The following NEK11 variants were observed in gnomAD, a reference collection of about 807,000 sequenced individuals.
The protein encoded by NEK11 is NIMA related kinase 11, also known as serine/threonine-protein kinase Nek11.
NEK11 carries 72 observed loss-of-function variants against 80.7 expected under a neutral mutation model. The ratio of observed to expected loss-of-function variants is 0.89; its 90% CI spans 0.74 to 1.08. The LOEUF is 1.08. Among genes scored for constraint, NEK11 ranks in the 50% least tolerant of loss-of-function variants. The probability of loss-of-function intolerance (pLI) is 0.00; values close to 1 mark genes in which losing one functional copy is unlikely to be tolerated. For synonymous variants in NEK11, 251 were observed against 260.7 expected (o/e 0.96, Z 0.36); for missense variants, 764 against 763.6 (o/e 1.00, Z -0.01).
intron 16 of NEK11, among the ~76,000 whole-genome samples, chr3:131,264,893 A>G (rs1019764512): frequency 3.3e-5 from 5 of 152,012 alleles, no homozygotes; most frequent in Admixed American, 6.6e-5. Context: ...ATTTCATTGA[A>G]CAGTGGTTTG....
At chr3:131,163,027 A>AT (rs1445550147) in intron 11 of NEK11, among the ~76,000 whole-genome samples, 1 of 152,222 alleles carries the variant, frequency 6.6e-6, no homozygotes, top group African/African-American at 2.4e-5. Context: ...GCTCAGGGCG[A>AT]TGTTGCTGGT....
chr3:131,204,759 G>A (rs1031216756), intron 14 of NEK11, among the ~76,000 whole-genome samples: 2 of 151,900 alleles, frequency 1.3e-5, no homozygotes, highest in East Asian at 1.9e-4. Context: ...TAATTTTCTA[G>A]TGGAAGGACT....
chr3:131,090,857 T>C (rs1159734954), intron 4 of NEK11, among the ~76,000 whole-genome samples: 2 of 152,274 alleles, frequency 1.3e-5, no homozygotes, highest in Non-Finnish European at 2.9e-5. Flanking sequence ...CTCAATCTCC[T>C]GGACTCAAAT....
At chr3:131,078,103 A>G (rs895318581) in intron 3 of NEK11, among the ~76,000 whole-genome samples, 2 of 152,174 alleles carry the variant, frequency 1.3e-5, no homozygotes, top group Non-Finnish European at 2.9e-5. Flanking sequence ...TTTCTAATGC[A>G]AATTGGCCTC....
chr3:131,116,247 T>C (rs1027112766), intron 5 of NEK11, among the ~76,000 whole-genome samples: 1 of 151,990 alleles, frequency 6.6e-6, no homozygotes, highest in African/African-American at 2.4e-5. Flanking sequence ...GTCCTTCTGA[T>C]AGTTTGCTCA....
intron 5 of NEK11, among the ~76,000 whole-genome samples, chr3:131,121,534 T>C (rs529918588): frequency 1.3e-5 from 2 of 152,342 alleles, no homozygotes; most frequent in South Asian, 2.1e-4. Context: ...GACGTTTAAG[T>C]CTGCAGAAGT....
chr3:131,169,544 C>G (rs1343824313), intron 13 of NEK11, among the ~76,000 whole-genome samples: 1 of 152,136 alleles, frequency 6.6e-6, no homozygotes, highest in Non-Finnish European at 1.5e-5. Context: ...GGCACTGTTT[C>G]TCTAAAGAAT....
intron 5 of NEK11, among the ~76,000 whole-genome samples, chr3:131,121,065 G>A (rs1414837862): frequency 2.0e-5 from 3 of 152,186 alleles, no homozygotes; most frequent in African/African-American, 7.2e-5. Flanking sequence ...GAGGTGCTCT[G>A]ATTTTTAGAA....
chr3:131,287,431 G>A (rs895268049), intron 17 of NEK11, among the ~76,000 whole-genome samples: 3 of 151,994 alleles, frequency 2.0e-5, no homozygotes, highest in Admixed American at 1.3e-4. Context: ...GCGCCACCAC[G>A]CCTGGCTAAT....
At chr3:131,315,751 C>T (rs541586010) in intron 17 of NEK11, among the ~76,000 whole-genome samples, 1 of 152,070 alleles carries the variant, frequency 6.6e-6, no homozygotes, top group East Asian at 1.9e-4. Flanking sequence ...TGTTCCACCC[C>T]TGTGTCCATG....
intron 3 of NEK11, among the ~76,000 whole-genome samples, chr3:131,047,160 C>T (rs2067527529): frequency 6.6e-6 from 1 of 152,054 alleles, no homozygotes; most frequent in South Asian, 2.1e-4. Context: ...TTCTATTTCA[C>T]CGAAGTTTTT....
chr3:131,265,667 T>G (rs1233266062), intron 16 of NEK11, among the ~76,000 whole-genome samples: 2 of 152,188 alleles, frequency 1.3e-5, no homozygotes, highest in Non-Finnish European at 2.9e-5. Context: ...GATATTGGCC[T>G]GAAATTTTCT....
At position 131,273,554 on chromosome 3, in the gene NEK11, C is replaced by G. The variant is rs1161242686; in HGVS notation, c.1698C>G (p.Thr566=). The G allele has an allele frequency of 5.6e-6, 9 of 1,613,654 alleles. No individual in the cohort carries two copies. The highest frequency in any genetic ancestry group is 1.3e-5 in the African/African-American group (1 of 74,882). The change falls in exon 17 of 18, where the codon ACC becomes ACG. Residue 566 remains threonine, a synonymous_variant. Coordinates refer to ENST00000383366, the MANE Select transcript of NEK11 (RefSeq NM_024800.5). The part of the protein sequence containing the change: ...PPIFNSVMAR[T]KMKRMRESAM... ...TTTTCAACAGTGTGATGGCCAGGACCAAGATGAAACGCATGAGGGAGTAAG... is the reference window on the plus strand; with the variant it reads ...TTTTCAACAGTGTGATGGCCAGGACGAAGATGAAACGCATGAGGGAGTAAG...
At chr3:131,263,126 G>T (rs900969241) in intron 16 of NEK11, among the ~76,000 whole-genome samples, 1 of 151,084 alleles carries the variant, frequency 6.6e-6, no homozygotes, top group Non-Finnish European at 1.5e-5. Flanking sequence ...CCATGTTGGT[G>T]TGTGCACCCA....
chr3:131,028,824 T>C (rs772710943), intron 2 of NEK11, among the ~76,000 whole-genome samples: 6 of 151,764 alleles, frequency 4.0e-5, no homozygotes, highest in Non-Finnish European at 8.8e-5. Context: ...AAAGTGCTGG[T>C]ACTACAGGCG....
chr3:131,207,755 A>C (rs1278432349), intron 14 of NEK11, among the ~76,000 whole-genome samples: 1 of 152,170 alleles, frequency 6.6e-6, no homozygotes, highest in Non-Finnish European at 1.5e-5. Context: ...TTGGCTGCAT[A>C]AATGTCTTCT....
intron 5 of NEK11, among the ~76,000 whole-genome samples, chr3:131,114,929 T>C (rs1415311640): frequency 6.6e-6 from 1 of 152,240 alleles, no homozygotes; most frequent in Non-Finnish European, 1.5e-5. Flanking sequence ...GAGGTTAGGT[T>C]TGTTGCAAAT....
chr3:131,057,690 T>A (rs2069852874), intron 3 of NEK11, among the ~76,000 whole-genome samples: 1 of 152,096 alleles, frequency 6.6e-6, no homozygotes, highest in Admixed American at 6.5e-5. Context: ...TGTCTTCTTT[T>A]GAGAAGTGTC....
chr3:131,109,784 A>G lies in NEK11; in HGVS notation c.337-19A>G, dbSNP rs764603444. ...CATATTAGCTGAAAAAATATGAAAG[A>G]TTATGCTCTTCATTTCAGGGCCGAG... On this transcript the variant is annotated intron_variant, in intron 4 of 17. Transcript: ENST00000383366. 7.6e-6 allele frequency: 12 copies of G among 1,574,680 alleles called. No individual in the cohort carries two copies. In the South Asian group the frequency reaches 9.6e-5, roughly 13 times the overall value.
Sources: gnomAD v4.1 joint callset for allele counts (sites outside exome capture counted in the v4.1 genomes callset) on GRCh38, gnomAD v4.1.1 for gene constraint, MANE v1.5 for transcripts, NCBI Gene and HGNC (gene_info 2026-07-23, HGNC 2026-07-21) for gene names.